PRKG1: variants seen among roughly 807,000 people sequenced by gnomAD.
The protein encoded by PRKG1 is cGMP-dependent protein kinase 1.
Under a neutral mutation model 88.1 loss-of-function variants are expected in PRKG1, and 35 were observed. The observed-to-expected ratio is 0.40, with a 90% CI of 0.30 to 0.53. PRKG1 has a LOEUF of 0.53. Among genes scored for constraint, PRKG1 ranks in the 20% least tolerant of loss-of-function variants. PRKG1 has a pLI of 0.59. For missense variants in PRKG1, 540 were observed against 839.8 expected, an observed-to-expected ratio of 0.64 and a Z score of 4.41; for synonymous variants, 303 against 292.5, an observed-to-expected ratio of 1.04 and a Z score of -0.37.
chr10:52,120,268 T>C (rs1216839470), intron 7 of PRKG1, among the ~76,000 whole-genome samples: 1 of 152,116 alleles, frequency 6.6e-6, no homozygotes, highest in Non-Finnish European at 1.5e-5. Context: ...CACATGAACT[T>C]TGGGGGATAC....
intron 2 of PRKG1, among the ~76,000 whole-genome samples, chr10:51,293,418 T>A (rs1354765687): frequency 6.6e-6 from 1 of 152,172 alleles, no homozygotes; most frequent in East Asian, 1.9e-4. Flanking sequence ...TCTACTCTCA[T>A]CTCTATGAGT....
At position 51,458,275 on chromosome 10, in the gene PRKG1, T is replaced by G. The variant is rs186850891; in HGVS notation, c.479-9448T>G. Among the ~76,000 whole-genome samples the G allele has an allele frequency of 5.9e-5, 9 of 152,222 alleles. No individual in the cohort carries two copies. The South Asian group carries it at 1.5e-3, about 25-fold the overall frequency. ...TGCTTTTAATAAGTGGAGTAGGAGG[T>G]TGATACTTTGAATTATTGTTGTTTC... On this transcript the variant is annotated intron_variant, in intron 2 of 17. Coordinates refer to ENST00000373980, the MANE Select transcript of PRKG1 (RefSeq NM_006258.4).
chr10:51,590,820 G>GCA (rs1838294538), intron 3 of PRKG1, among the ~76,000 whole-genome samples: 1 of 151,942 alleles, frequency 6.6e-6, no homozygotes, highest in African/African-American at 2.4e-5. Context: ...ATATGGGGGG[G>GCA]GTGGGGTGGT....
At chr10:52,163,951 T>C (rs1693431865) in intron 9 of PRKG1, among the ~76,000 whole-genome samples, 1 of 152,196 alleles carries the variant, frequency 6.6e-6, no homozygotes, top group Admixed American at 6.5e-5. Flanking sequence ...CAAGTGATTT[T>C]GGTCATGAAT....
chr10:51,971,836 T>C (rs1019997129), intron 5 of PRKG1, among the ~76,000 whole-genome samples: 13 of 152,158 alleles, frequency 8.5e-5, no homozygotes, highest in South Asian at 2.1e-4. Context: ...AAAAAATATT[T>C]GCTATTAAAA....
intron 9 of PRKG1, among the ~76,000 whole-genome samples, chr10:52,226,022 GTTGA>G (rs1840379471): frequency 7.7e-6 from 1 of 129,640 alleles, no homozygotes; most frequent in Non-Finnish European, 1.6e-5. Context: ...AGTCATGAGG[GTTGA>G]TTTTTTTTTT....
intron 1 of PRKG1, among the ~76,000 whole-genome samples, chr10:50,997,811 TGAAGA>T (rs936904726): frequency 6.6e-6 from 1 of 152,034 alleles, no homozygotes; most frequent in Non-Finnish European, 1.5e-5. Context: ...TTTGGGTCCC[TGAAGA>T]GAAAAGAGGA....
In PRKG1 at chr10:51,074,766, A is replaced by G. The variant is rs1340333360; in HGVS notation, c.176A>G (p.Gln59Arg). 2 of 1,614,066 alleles carry G rather than the reference A, an allele frequency of 1.2e-6. No homozygotes were observed. Among genetic ancestry groups the G allele is most frequent in the Non-Finnish European group, 1.7e-6 (2 of 1,179,958 alleles). ...YRSVIRPATQQAQKQSASTLQ... is the reference protein window; with the variant it reads ...YRSVIRPATQRAQKQSASTLQ... ...TCGGTGATCCGACCAGCCACCCAGC[A>G]GGCGCAGAAGCAGAGCGCGAGCACC... The change falls in exon 1 of 18, where the codon CAG becomes CGG. Residue 59 changes from glutamine to arginine, a missense_variant. This residue lies in a region of PRKG1 where 400 missense variants were observed against 562.7 expected (regional missense o/e 0.71). Coordinates refer to ENST00000373980, the MANE Select transcript of PRKG1 (RefSeq NM_006258.4).
At chr10:51,887,726 T>C (rs1841608795) in intron 4 of PRKG1, among the ~76,000 whole-genome samples, 1 of 152,210 alleles carries the variant, frequency 6.6e-6, no homozygotes, top group South Asian at 2.1e-4. Context: ...TATGTCTTCT[T>C]TGGAGAAATA....
intron 1 of PRKG1, among the ~76,000 whole-genome samples, chr10:51,043,928 A>G (rs866313184): frequency 1.3e-5 from 2 of 152,100 alleles, no homozygotes; most frequent in African/African-American, 4.8e-5. Context: ...GTACTGAGGA[A>G]CACTAGCTAA....
intron 4 of PRKG1, 78 bp from the exon 5 acceptor site, chr10:51,907,429 A>G: frequency 1.8e-6 from 2 of 1,108,534 alleles, no homozygotes; most frequent in Non-Finnish European, 2.6e-6. Context: ...TATTTTAATT[A>G]GATTCATGGT....
intron 2 of PRKG1, among the ~76,000 whole-genome samples, chr10:51,244,375 G>A (rs1839234112): frequency 6.7e-6 from 1 of 148,472 alleles, no homozygotes. Flanking sequence ...GTTGCAGGTA[G>A]CCTGAAATCT....
At chr10:51,561,311 CAAG>C (rs1167827394) in intron 3 of PRKG1, among the ~76,000 whole-genome samples, 1 of 151,794 alleles carries the variant, frequency 6.6e-6, no homozygotes, top group Non-Finnish European at 1.5e-5. Flanking sequence ...GCCTGGGTGA[CAAG>C]AGAGACAGAG....
chr10:51,846,960 A>G (rs1365792042), intron 4 of PRKG1, among the ~76,000 whole-genome samples: 3 of 152,188 alleles, frequency 2.0e-5, no homozygotes, highest in Non-Finnish European at 4.4e-5. Context: ...AGTGATATGA[A>G]TTCTGAGTTC....
Position 51,597,059 on chromosome 10 carries a change from C to T in PRKG1, c.592+129223C>T, listed in dbSNP as rs917684225. On this transcript the variant is annotated intron_variant, in intron 3 of 17. Coordinates refer to ENST00000373980, the MANE Select transcript of PRKG1 (RefSeq NM_006258.4). ...CATGAATCAGCCTACTTTAAAGGGA[C>T]TTATCTAGGGTTAGGAAAAGTATAT... Among the ~76,000 whole-genome samples the T allele has an allele frequency of 2.6e-5, 4 of 152,120 alleles. No homozygotes were observed. The East Asian group carries it at 7.7e-4, about 29-fold the overall frequency.
intron 2 of PRKG1, among the ~76,000 whole-genome samples, chr10:51,414,385 T>G (rs1838183241): frequency 6.6e-6 from 1 of 152,224 alleles, no homozygotes; most frequent in African/African-American, 2.4e-5. Context: ...GTCTTCGTTT[T>G]TTCACTCTTC....
chr10:51,284,581 C>T (rs534220619), intron 2 of PRKG1, among the ~76,000 whole-genome samples: 62 of 152,260 alleles, frequency 4.1e-4, no homozygotes, highest in Middle Eastern at 6.8e-3. Flanking sequence ...TGTTTGAAGA[C>T]ACTTCCTGCA....
At chr10:51,389,493 G>C (rs889113042) in intron 2 of PRKG1, among the ~76,000 whole-genome samples, 3 of 152,074 alleles carry the variant, frequency 2.0e-5, no homozygotes, top group African/African-American at 7.2e-5. Context: ...CGCCACAGCT[G>C]TACAGTTTCC....
intron 3 of PRKG1, among the ~76,000 whole-genome samples, chr10:51,496,407 G>A (rs1392392295): frequency 6.6e-6 from 1 of 152,040 alleles, no homozygotes; most frequent in Non-Finnish European, 1.5e-5. Context: ...TATCAGCATG[G>A]GTTAATCTAC....
Sources: allele counts gnomAD v4.1 joint callset (sites outside exome capture counted in the v4.1 genomes callset), GRCh38; gene constraint gnomAD v4.1.1; regional missense constraint gnomAD v4.1.1; transcripts MANE v1.5; gene names NCBI Gene and HGNC (gene_info 2026-07-23, HGNC 2026-07-21).